DOK6: variants seen among roughly 807,000 people sequenced by gnomAD.
The protein encoded by DOK6 is docking protein 6, also known as downstream of tyrosine kinase 6.
Under a neutral mutation model 44.0 loss-of-function variants are expected in DOK6, and 22 were observed. That is an observed-to-expected ratio of 0.50 (90% CI 0.36 to 0.71). The LOEUF (loss-of-function observed/expected upper bound fraction) is 0.71. DOK6 is among the 30% of genes least tolerant of loss of function. The pLI, the probability that DOK6 is intolerant of heterozygous loss-of-function variation, is 0.00. For missense variants in DOK6, 340 were observed against 416.4 expected, an observed-to-expected ratio of 0.82 and a Z score of 1.60; for synonymous variants, 166 against 145.5, an observed-to-expected ratio of 1.14 and a Z score of -1.01.
At chr18:69,661,801 A>G (rs184117346) in intron 3 of DOK6, 24 of 152,348 alleles carry the variant, frequency 1.6e-4, no homozygotes, top group Admixed American at 1.3e-3. Flanking sequence ...TAGAAAGCTT[A>G]CATAATATAT....
intron 1 of DOK6, chr18:69,469,933 A>G (rs1980046766): frequency 9.5e-6 from 2 of 211,492 alleles, no homozygotes; most frequent in Admixed American, 1.1e-4. Flanking sequence ...CCTGGGCTCC[A>G]ACCTTATCTC....
chr18:69,667,733 G>A (rs1985696536), intron 3 of DOK6, among the ~76,000 whole-genome samples: 1 of 151,938 alleles, frequency 6.6e-6, no homozygotes, highest in South Asian at 2.1e-4. Flanking sequence ...TGCCTTCCCT[G>A]TTTGTTTCCC....
intron 2 of DOK6, among the ~76,000 whole-genome samples, chr18:69,584,051 T>C (rs1047657707): frequency 1.4e-5 from 2 of 140,678 alleles, no homozygotes; most frequent in African/African-American, 2.7e-5. Flanking sequence ...GAGCTTGCAG[T>C]GAGCCGAGAT....
At chr18:69,644,144 C>G (rs1004782389) in intron 3 of DOK6, among the ~76,000 whole-genome samples, 4 of 152,048 alleles carry the variant, frequency 2.6e-5, no homozygotes, top group African/African-American at 4.8e-5. Context: ...TTTATAAATT[C>G]TAGATATTTG....
At chr18:69,548,893 A>T (rs979993201) in intron 1 of DOK6, among the ~76,000 whole-genome samples, 1 of 151,250 alleles carries the variant, frequency 6.6e-6, no homozygotes, top group Non-Finnish European at 1.5e-5. Context: ...GGAGATCAAG[A>T]CCATCCTGGC....
In DOK6 at chr18:69,545,129, A is replaced by AAG. The variant is rs879472808; in HGVS notation, c.67-19358_67-19357insAG. 2.7e-5 allele frequency among the ~76,000 whole-genome samples: 4 copies of AAG among 149,486 alleles called. No individual in the cohort carries two copies. The East Asian group carries it at 7.8e-4, about 29-fold the overall frequency. On this transcript the variant is annotated intron_variant, in intron 1 of 7. Transcript: ENST00000382713. ...AGCGAGACACCATAAAAAAAAAAAA[A>AAG]TTACAACCCATGATATCAGAAAACA... is the stretch of plus-strand genomic sequence containing the variant.
chr18:69,637,927 G>A (rs1390632712), intron 3 of DOK6, among the ~76,000 whole-genome samples: 1 of 151,706 alleles, frequency 6.6e-6, no homozygotes, highest in African/African-American at 2.4e-5. Flanking sequence ...CATAAGGATA[G>A]GAGATCTATA....
At chr18:69,807,340 C>G (rs778145330) in intron 7 of DOK6, among the ~76,000 whole-genome samples, 1 of 151,860 alleles carries the variant, frequency 6.6e-6, no homozygotes, top group African/African-American at 2.4e-5. Flanking sequence ...TGGAGAGAAT[C>G]GTTTAATCAC....
At chr18:69,579,782 G>C (rs1283584066) in intron 2 of DOK6, among the ~76,000 whole-genome samples, 2 of 152,086 alleles carry the variant, frequency 1.3e-5, no homozygotes, top group South Asian at 4.2e-4. Flanking sequence ...GGGATTTTCA[G>C]CATGTTGGCC....
At chr18:69,733,104 A>C (rs1978470096) in intron 5 of DOK6, among the ~76,000 whole-genome samples, 1 of 152,096 alleles carries the variant, frequency 6.6e-6, no homozygotes, top group Non-Finnish European at 1.5e-5. Flanking sequence ...TGAGGTGGGC[A>C]GATTACTTGA....
intron 5 of DOK6, among the ~76,000 whole-genome samples, chr18:69,702,016 A>G (rs556187637): frequency 2.6e-4 from 39 of 152,238 alleles, no homozygotes; most frequent in African/African-American, 9.4e-4. Flanking sequence ...TAATTAATAC[A>G]TAATAAATAT....
intron 1 of DOK6, among the ~76,000 whole-genome samples, chr18:69,451,071 A>C (rs1402674703): frequency 1.4e-5 from 2 of 147,798 alleles, no homozygotes; most frequent in African/African-American, 5.0e-5. Context: ...TATTAACTTT[A>C]AATGTAAATG....
rs7238243 is a variant in DOK6, at chr18:69,484,577, G to T, written c.67-79910G>T. Among the ~76,000 whole-genome samples the T allele has an allele frequency of 9.1e-3, 1,387 of 152,170 alleles. 22 individuals carry two copies. The highest frequency in any genetic ancestry group is 0.031 in the African/African-American group (1,266 of 41,508). Reference sequence around the variant, plus strand: ...TGCTCCTAGAGGAAATACAGGGTTGGGTTCTCAGAGCCTCAGGTCACAACA... The same window carrying T: ...TGCTCCTAGAGGAAATACAGGGTTGTGTTCTCAGAGCCTCAGGTCACAACA... On this transcript the variant is annotated intron_variant, in intron 1 of 7. Coordinates refer to ENST00000382713, the MANE Select transcript of DOK6 (RefSeq NM_152721.6).
intron 1 of DOK6, among the ~76,000 whole-genome samples, chr18:69,503,956 A>G (rs1300941030): frequency 6.6e-6 from 1 of 152,070 alleles, no homozygotes; most frequent in African/African-American, 2.4e-5. Context: ...TACCTTTTGC[A>G]AATTAAAGAA....
chr18:69,842,377 C>T lies in DOK6; in HGVS notation c.*994C>T, dbSNP rs752951866. On this transcript the variant is annotated 3_prime_UTR_variant, in exon 8 of 8. Transcript: ENST00000382713. ...CGTGAGGAGGATTCCATGTGAACGC[C>T]GATCAGCTTCCATTTAACCTTGAGA... The T allele has an allele frequency of 2.6e-5, 4 of 152,018 alleles. No homozygotes were observed. Among genetic ancestry groups the T allele is most frequent in the African/African-American group, 4.8e-5 (2 of 41,394 alleles). The allele number at this position is 152,018 out of a possible 1,614,324, so 9.4% of individuals were successfully genotyped here.
intron 3 of DOK6, among the ~76,000 whole-genome samples, chr18:69,646,680 T>G (rs1344415973): frequency 6.6e-6 from 1 of 152,136 alleles, no homozygotes; most frequent in Non-Finnish European, 1.5e-5. Flanking sequence ...TTTCACCACT[T>G]GCTTCCTTTT....
intron 1 of DOK6, among the ~76,000 whole-genome samples, chr18:69,488,322 C>T (rs114455167): frequency 9.9e-5 from 15 of 152,240 alleles, no homozygotes; most frequent in African/African-American, 3.4e-4. Context: ...TGAAACTGGT[C>T]GAGTGGGACA....
At chr18:69,671,023 C>T (rs956458136) in intron 3 of DOK6, among the ~76,000 whole-genome samples, 3 of 152,080 alleles carry the variant, frequency 2.0e-5, no homozygotes, top group Admixed American at 1.3e-4. Flanking sequence ...ACACACACTA[C>T]ACCATTCTTT....
chr18:69,418,881 GA>G (rs1252106122), intron 1 of DOK6, among the ~76,000 whole-genome samples: 1 of 152,186 alleles, frequency 6.6e-6, no homozygotes, highest in African/African-American at 2.4e-5. Flanking sequence ...TAGTAGTGGG[GA>G]AAAAACTTTT....
Sources: allele counts gnomAD v4.1 joint callset (sites outside exome capture counted in the v4.1 genomes callset), GRCh38; gene constraint gnomAD v4.1.1; transcripts MANE v1.5; gene names NCBI Gene and HGNC (gene_info 2026-07-23, HGNC 2026-07-21).